C10orf143: variants seen among roughly 807,000 people sequenced by gnomAD.
The protein encoded by C10orf143 is uncharacterized protein C10orf143.
Position 130,042,059 on chromosome 10 carries a change from G to A in C10orf143, c.298-6089C>T, listed in dbSNP as rs115021267. Among the ~76,000 whole-genome samples the A allele has an allele frequency of 9.4e-3, 1,432 of 152,106 alleles. 18 individuals are homozygous for A. Among genetic ancestry groups the A allele is most frequent in the African/African-American group, 0.031 (1,297 of 41,484 alleles). On this transcript the variant is annotated intron_variant and NMD_transcript_variant, in intron 3 of 5. Transcript: ENST00000643056. The stretch of plus-strand genomic sequence containing the variant: ...CAAATATGCACTTGTGTACACACGT[G>A]CACACCCACACATGCACACTATGAA...
chr10:130,050,486 C>T (rs891651021), intron 3 of C10orf143, among the ~76,000 whole-genome samples: 4 of 152,180 alleles, frequency 2.6e-5, no homozygotes, highest in Admixed American at 6.5e-5. Context: ...GTTGCTCCAC[C>T]GCACTCCAGC....
In C10orf143 at chr10:130,099,848, T is replaced by A. The variant is rs184992042; in HGVS notation, c.69+10856A>T. Reference sequence around the variant, plus strand: ...AATTTTTTTTATTTTTTCTTTATTTTTTTTTTTTTAAGATGGACTCTCACT... The same window carrying A: ...AATTTTTTTTATTTTTTCTTTATTTATTTTTTTTTAAGATGGACTCTCACT... On this transcript the variant is annotated intron_variant, in intron 1 of 3. Coordinates refer to ENST00000637128, the MANE Select transcript of C10orf143 (RefSeq NM_001355042.2). 8.8e-3 allele frequency among the ~76,000 whole-genome samples: 618 copies of A among 70,198 alleles called. 3 individuals carry two copies. Among genetic ancestry groups the A allele is most frequent in the African/African-American group, 0.034 (591 of 17,420 alleles). 46.1% of individuals were successfully genotyped at this position (70,198 alleles called of 152,430 possible). A position where few individuals can be genotyped will look rare whatever the true frequency, so the allele number is the denominator to read the frequency against.
intron 1 of C10orf143, chr10:130,107,813 A>G: frequency 8.0e-7 from 1 of 1,249,502 alleles, no homozygotes; most frequent in South Asian, 1.2e-5. Context: ...TCCTTCTGAC[A>G]CTGGGTCCCT....
intron 1 of C10orf143, chr10:130,101,027 G>A (rs1206280938): frequency 2.0e-5 from 3 of 152,108 alleles, no homozygotes; most frequent in Non-Finnish European, 4.4e-5. Context: ...AGACCATCCT[G>A]GCCAACATGG....
At chr10:130,050,027 G>C (rs1481670038) in intron 3 of C10orf143, among the ~76,000 whole-genome samples, 1 of 152,176 alleles carries the variant, frequency 6.6e-6, no homozygotes, top group African/African-American at 2.4e-5. Context: ...TCAGGGCCTC[G>C]ACAGTGTGCA....
intron 3 of C10orf143, among the ~76,000 whole-genome samples, chr10:130,076,742 T>C (rs908414729): frequency 2.6e-5 from 4 of 152,196 alleles, no homozygotes; most frequent in Admixed American, 1.3e-4. Flanking sequence ...AGCAGCTTCA[T>C]TTCCATTTCA....
intron 1 of C10orf143, among the ~76,000 whole-genome samples, chr10:130,080,610 A>T (rs1344933451): frequency 6.6e-6 from 1 of 152,046 alleles, no homozygotes; most frequent in Non-Finnish European, 1.5e-5. Flanking sequence ...CGAGAAATCC[A>T]CCCCAGGAGC....
chr10:130,072,224 T>G (rs561956551), intron 3 of C10orf143, among the ~76,000 whole-genome samples: 12 of 152,372 alleles, frequency 7.9e-5, no homozygotes, highest in Non-Finnish European at 1.2e-4. Context: ...CACAGCTTTG[T>G]AATATATCTT....
intron 1 of C10orf143, among the ~76,000 whole-genome samples, chr10:130,093,619 A>G (rs1751967580): frequency 6.6e-6 from 1 of 152,198 alleles, no homozygotes; most frequent in African/African-American, 2.4e-5. Context: ...AAATCAATGA[A>G]TCCAGGAGCT....
chr10:130,038,630 G>A (rs549950368), intron 3 of C10orf143, among the ~76,000 whole-genome samples: 3 of 152,296 alleles, frequency 2.0e-5, no homozygotes, highest in Admixed American at 6.5e-5. Context: ...CAGGACAGAC[G>A]GAGGTGTGGG....
chr10:130,089,636 C>A (rs529628930), intron 1 of C10orf143, among the ~76,000 whole-genome samples: 1 of 152,108 alleles, frequency 6.6e-6, no homozygotes, highest in Non-Finnish European at 1.5e-5. Flanking sequence ...AAAAAGACTT[C>A]AAAACTTAAT....
At chr10:130,047,270 A>G (rs544496736) in intron 3 of C10orf143, among the ~76,000 whole-genome samples, 2 of 152,334 alleles carry the variant, frequency 1.3e-5, no homozygotes, top group South Asian at 4.1e-4. Flanking sequence ...TGAAGTTTCC[A>G]TGGAGTAAAG....
intron 1 of C10orf143, among the ~76,000 whole-genome samples, chr10:130,090,418 C>T (rs1861362071): frequency 6.6e-6 from 1 of 152,196 alleles, no homozygotes; most frequent in Non-Finnish European, 1.5e-5. Context: ...TCGCAACCCA[C>T]AGACCAGGAG....
rs1172518028 is a variant in C10orf143, at chr10:130,064,137, C to T, written c.*217G>A. ...GTAGTACGTAGTAAGGATTTGGGGG[C>T]TCTTTTGAAGTGATGTGGATTCTCC... On this transcript the variant is annotated 3_prime_UTR_variant, in exon 4 of 4. Transcript: ENST00000637128. 2.6e-6 allele frequency: 1 copy of T among 382,396 alleles called. No individual in the cohort carries two copies. The highest frequency in any genetic ancestry group is 4.5e-5 in the Admixed American group (1 of 22,216). The allele number at this position is 382,396 out of a possible 1,614,324, so 23.7% of individuals were successfully genotyped here.
At chr10:130,100,393 G>A (rs1861529168) in intron 1 of C10orf143, among the ~76,000 whole-genome samples, 1 of 151,888 alleles carries the variant, frequency 6.6e-6, no homozygotes, top group Admixed American at 6.6e-5. Context: ...AGCCAGGCGT[G>A]GTGGTGCGTG....
chr10:130,075,508 A>T (rs1861100943), intron 3 of C10orf143, among the ~76,000 whole-genome samples: 1 of 152,208 alleles, frequency 6.6e-6, no homozygotes, highest in Non-Finnish European at 1.5e-5. Context: ...CGCTGGTAAG[A>T]AAACAGAAAC....
At chr10:130,054,341 T>C (rs1404712802) in intron 3 of C10orf143, among the ~76,000 whole-genome samples, 1 of 152,232 alleles carries the variant, frequency 6.6e-6, no homozygotes, top group Non-Finnish European at 1.5e-5. Flanking sequence ...TGTTGTCACA[T>C]AGGACAGGGT....
intron 3 of C10orf143, among the ~76,000 whole-genome samples, chr10:130,073,834 G>C (rs1861071359): frequency 6.6e-6 from 1 of 152,112 alleles, no homozygotes; most frequent in African/African-American, 2.4e-5. Flanking sequence ...CCATATTCCA[G>C]AGAAAGTACT....
intron 1 of C10orf143, among the ~76,000 whole-genome samples, chr10:130,099,077 G>T (rs1217910083): frequency 1.5e-5 from 2 of 129,486 alleles, no homozygotes; most frequent in Admixed American, 1.9e-4. Context: ...AAAAGAGTGA[G>T]ACACCATCTC....
Sources: allele counts gnomAD v4.1 joint callset (sites outside exome capture counted in the v4.1 genomes callset), GRCh38; gene constraint gnomAD v4.1.1; transcripts MANE v1.5; gene names NCBI Gene and HGNC (gene_info 2026-07-23, HGNC 2026-07-21).